The following PHACTR1 variants were observed in gnomAD, a reference collection of about 807,000 sequenced individuals.
The protein encoded by PHACTR1 is RPEL repeat containing 1.
Under a neutral mutation model 69.2 loss-of-function variants are expected in PHACTR1, and 16 were observed. The observed-to-expected ratio is 0.23, with a 90% CI of 0.16 to 0.35. The LOEUF (loss-of-function observed/expected upper bound fraction) is 0.35, where lower values mean the gene tolerates loss of function less well. PHACTR1 is among the 10% of genes least tolerant of loss of function. PHACTR1 has a pLI of 1.00. For synonymous variants in PHACTR1, 312 were observed against 284.5 expected, an observed-to-expected ratio of 1.10 and a Z score of -0.97; for missense variants, 510 against 734.7, an observed-to-expected ratio of 0.69 and a Z score of 3.54.
intron 3 of PHACTR1, among the ~76,000 whole-genome samples, chr6:12,748,799 C>T (rs1766148906): frequency 6.6e-6 from 1 of 152,138 alleles, no homozygotes; most frequent in African/African-American, 2.4e-5. Context: ...GATAACACAA[C>T]CCAGAAGTTA....
At chr6:12,922,891 C>T (rs937650495) in intron 4 of PHACTR1, among the ~76,000 whole-genome samples, 1 of 152,134 alleles carries the variant, frequency 6.6e-6, no homozygotes, top group Non-Finnish European at 1.5e-5. Flanking sequence ...AGGAATAGCA[C>T]CTCCTCCCAC....
intron 5 of PHACTR1, among the ~76,000 whole-genome samples, chr6:13,132,732 A>ATT (rs1561875361): frequency 5.0e-4 from 74 of 148,896 alleles, no homozygotes; most frequent in African/African-American, 1.8e-3. Context: ...GTATTGCTAA[A>ATT]AAAAAAAAAA....
chr6:12,722,062 C>T (rs1365485148), intron 3 of PHACTR1, among the ~76,000 whole-genome samples: 2 of 152,206 alleles, frequency 1.3e-5, no homozygotes, highest in Non-Finnish European at 2.9e-5. Context: ...CCAGCCAGTG[C>T]AGAGGATATT....
intron 5 of PHACTR1, among the ~76,000 whole-genome samples, chr6:13,059,975 C>T (rs1341966640): frequency 2.6e-5 from 4 of 152,144 alleles, no homozygotes; most frequent in African/African-American, 9.6e-5. Flanking sequence ...GGGCCAAGGA[C>T]AGTCTTCTAG....
chr6:12,858,025 A>G (rs1780574651), intron 4 of PHACTR1, among the ~76,000 whole-genome samples: 1 of 152,192 alleles, frequency 6.6e-6, no homozygotes, highest in Non-Finnish European at 1.5e-5. Flanking sequence ...GATTACAGAT[A>G]TAGCCTGTTC....
intron 8 of PHACTR1, among the ~76,000 whole-genome samples, chr6:13,216,927 A>T (rs932288983): frequency 6.6e-6 from 1 of 152,162 alleles, no homozygotes; most frequent in Non-Finnish European, 1.5e-5. Flanking sequence ...TAAGAGGATT[A>T]AAAAAAGGAA....
chr6:13,084,088 G>A (rs547270089), intron 5 of PHACTR1, among the ~76,000 whole-genome samples: 18 of 151,830 alleles, frequency 1.2e-4, no homozygotes, highest in East Asian at 3.9e-4. Flanking sequence ...TGTTTATTGC[G>A]GCACTATTCA....
At chr6:13,279,174 G>T (rs936041813) in intron 12 of PHACTR1, 1 of 152,076 alleles carries the variant, frequency 6.6e-6, no homozygotes, top group Non-Finnish European at 1.5e-5. Context: ...CATAAAACTG[G>T]AATTTTAATA....
intron 4 of PHACTR1, among the ~76,000 whole-genome samples, chr6:12,821,477 AAAAAAAAGAG>A (rs1194735815): frequency 9.1e-5 from 9 of 99,268 alleles, no homozygotes; most frequent in South Asian, 4.3e-4. Context: ...AAAAAAAAAA[AAAAAAAAGAG>A]AGAGAGAGAG....
At chr6:13,216,716 TA>T (rs1767733733) in intron 8 of PHACTR1, among the ~76,000 whole-genome samples, 2 of 152,234 alleles carry the variant, frequency 1.3e-5, no homozygotes, top group South Asian at 4.1e-4. Context: ...TTTAATTGCC[TA>T]CACGTACATG....
chr6:13,121,249 G>A (rs879743281), intron 5 of PHACTR1, among the ~76,000 whole-genome samples: 8 of 152,142 alleles, frequency 5.3e-5, no homozygotes, highest in Non-Finnish European at 1.2e-4. Flanking sequence ...ACTTAGAAGG[G>A]AGATCTGGCA....
At chr6:12,777,614 C>A (rs1357806849) in intron 4 of PHACTR1, among the ~76,000 whole-genome samples, 2 of 140,804 alleles carry the variant, frequency 1.4e-5, no homozygotes, top group African/African-American at 2.6e-5. Flanking sequence ...TATATACCAC[C>A]CTTTCTTCTT....
Position 13,202,517 on chromosome 6 carries a change from G to T in PHACTR1, c.665-3298G>T, listed in dbSNP as rs143428594. ...TTTTTTTTGAGACAGAGTTTCACTC[G>T]CCCAGGCTATAGTGCAATGGTGCAA... On this transcript the variant is annotated intron_variant, in intron 7 of 14. Transcript: ENST00000332995. 2.4e-4 allele frequency among the ~76,000 whole-genome samples: 32 copies of T among 132,610 alleles called. No individual in the cohort carries two copies. The East Asian group carries it at 6.3e-3, about 26-fold the overall frequency. 87.0% of individuals were successfully genotyped at this position (132,610 alleles called of 152,430 possible). A position where few individuals can be genotyped will look rare whatever the true frequency, so the allele number is the denominator to read the frequency against.
intron 4 of PHACTR1, among the ~76,000 whole-genome samples, chr6:12,860,935 A>T (rs1172749022): frequency 6.6e-6 from 1 of 152,254 alleles, no homozygotes; most frequent in Non-Finnish European, 1.5e-5. Flanking sequence ...ATGGGCAAGT[A>T]AGGCAACACT....
intron 4 of PHACTR1, among the ~76,000 whole-genome samples, chr6:12,753,968 A>AT (rs1419323913): frequency 1.7e-4 from 13 of 75,190 alleles, no homozygotes; most frequent in South Asian, 9.2e-4. Flanking sequence ...ATATATATAT[A>AT]TATTTTTTTT....
chr6:12,944,483 C>T (rs9473047), intron 4 of PHACTR1, among the ~76,000 whole-genome samples: 4,266 of 152,276 alleles, frequency 0.028, 211 homozygotes, highest in African/African-American at 0.096. Flanking sequence ...AAAATTAATA[C>T]AACATCTATA....
chr6:12,912,569 T>A (rs1199492089), intron 4 of PHACTR1, among the ~76,000 whole-genome samples: 1 of 152,210 alleles, frequency 6.6e-6, no homozygotes, highest in African/African-American at 2.4e-5. Context: ...GTTTCCCCCA[T>A]GCCTTCCACT....
chr6:12,952,859 C>T (rs1791451182), intron 4 of PHACTR1, among the ~76,000 whole-genome samples: 1 of 152,144 alleles, frequency 6.6e-6, no homozygotes, highest in African/African-American at 2.4e-5. Flanking sequence ...CCTGTCCTTG[C>T]CAGCATTGGA....
intron 4 of PHACTR1, among the ~76,000 whole-genome samples, chr6:12,831,096 GCTT>G (rs1777525947): frequency 6.6e-6 from 1 of 152,092 alleles, no homozygotes; most frequent in African/African-American, 2.4e-5. Flanking sequence ...TCGTATTTGA[GCTT>G]CTTCTAGAAA....
Sources: allele counts gnomAD v4.1 joint callset (sites outside exome capture counted in the v4.1 genomes callset), GRCh38; gene constraint gnomAD v4.1.1; transcripts MANE v1.5; gene names NCBI Gene and HGNC (gene_info 2026-07-23, HGNC 2026-07-21).